Variants in TG observed in about 807,000 individuals in gnomAD.
The protein encoded by TG is thyroglobulin, also known as thyroid hormones.
A neutral mutation model predicts 324.7 loss-of-function variants in TG; 270 were observed. The ratio of observed to expected loss-of-function variants is 0.83; its 90% confidence interval spans 0.75 to 0.92. The LOEUF (loss-of-function observed/expected upper bound fraction) is 0.92, where lower values mean the gene tolerates loss of function less well. Among genes scored for constraint, TG ranks in the 40% least tolerant of loss-of-function variants. The probability of loss-of-function intolerance (pLI) is 0.00; values close to 1 mark genes in which losing one functional copy is unlikely to be tolerated. For synonymous variants in TG, 1,401 were observed against 1,327.0 expected (o/e 1.06, Z -1.21); for missense variants, 3,591 against 3,456.4 (o/e 1.04, Z -0.98).
intron 16 of TG, among the ~76,000 whole-genome samples, chr8:132,902,540 G>A (rs73708395): frequency 0.024 from 3,622 of 152,144 alleles, 141 homozygotes; most frequent in African/African-American, 0.079. Context: ...GTCCTGTTTT[G>A]CTGCCCTCTG....
At chr8:133,077,399 T>C (rs1234120284) in intron 41 of TG, among the ~76,000 whole-genome samples, 2 of 152,128 alleles carry the variant, frequency 1.3e-5, no homozygotes, top group African/African-American at 4.8e-5. Flanking sequence ...AGTGGGTCAT[T>C]GGGTGACTGA....
At position 132,971,842 on chromosome 8, in the gene TG, C is replaced by T. The variant is rs1163088613; in HGVS notation, c.6024C>T (p.Gly2008=). 3.1e-6 allele frequency: 5 copies of T among 1,613,476 alleles called. No homozygotes were observed. The African/African-American group carries it at 5.3e-5, about 17-fold the overall frequency. ...GCGATGCGGACCCATGCTGCACTGG[C>T]TTTGGATTTCTAAATGTTTCCCAGT... ...RRCDADPCCT[G]FGFLNVSQLK... Residue 2008 remains glycine (G), a synonymous_variant, in exon 33 of 48, where the codon GGC becomes GGT. Transcript: ENST00000220616.
chr8:132,988,064 G>GCGCACACACACA (rs1831803239), intron 35 of TG, among the ~76,000 whole-genome samples: 2 of 134,544 alleles, frequency 1.5e-5, no homozygotes, highest in Non-Finnish European at 3.2e-5. Context: ...ACATACACAT[G>GCGCACACACACA]CACACACACA....
chr8:132,980,729 G>T (rs924409446), intron 34 of TG, among the ~76,000 whole-genome samples: 1 of 152,190 alleles, frequency 6.6e-6, no homozygotes, highest in African/African-American at 2.4e-5. Flanking sequence ...GGTAGTTAGT[G>T]TCTGGATTGA....
chr8:132,917,325 G>T (rs1199111325), intron 20 of TG, among the ~76,000 whole-genome samples: 1 of 151,974 alleles, frequency 6.6e-6, no homozygotes, highest in Non-Finnish European at 1.5e-5. Flanking sequence ...AGTCTTGAAA[G>T]GTGAGGAGGA....
intron 41 of TG, among the ~76,000 whole-genome samples, chr8:133,052,610 T>C (rs966592090): frequency 2.6e-5 from 4 of 152,240 alleles, no homozygotes; most frequent in African/African-American, 9.6e-5. Flanking sequence ...CCCCAGTAAG[T>C]AGAGGCAGCA....
At chr8:133,094,964 G>A in intron 41 of TG, 80 bp from the exon 42 acceptor site, 1 of 1,590,108 alleles carries the variant, frequency 6.3e-7, no homozygotes, top group Admixed American at 1.7e-5. Flanking sequence ...GCAGAACCCT[G>A]ATGTGGCACT....
chr8:133,050,389 G>A (rs1461894836), intron 41 of TG: 1 of 281,776 alleles, frequency 3.5e-6, no homozygotes, highest in Non-Finnish European at 6.8e-6. Flanking sequence ...CTTCTGTCAT[G>A]TTCTATAGCC....
intron 22 of TG, among the ~76,000 whole-genome samples, chr8:132,928,870 G>T (rs1822271769): frequency 6.6e-6 from 1 of 152,140 alleles, no homozygotes; most frequent in African/African-American, 2.4e-5. Context: ...GTAGAAGCAG[G>T]GAGAGCTGGT....
In TG at chr8:132,929,128, T is replaced by A; in HGVS notation, c.4752T>A (p.Asn1584Lys). 1 of 1,614,158 alleles carries A rather than the reference T, an allele frequency of 6.2e-7. No homozygotes were observed. Among genetic ancestry groups the A allele is most frequent in the Non-Finnish European group, 8.5e-7 (1 of 1,180,016 alleles). ...VPESKVIFDA[N>K]APVAVRSKVP... ...AATCAAAGGTGATCTTCGACGCCAA[T>A]GCTCCTGTGGCTGTCAGATCCAAAG... The change falls in exon 23 of 48, where the codon AAT (asparagine) becomes AAA (lysine). Residue 1584 changes from asparagine to lysine, a missense_variant. Asn to Lys is a moderately conservative substitution (Grantham distance 94). Coordinates refer to ENST00000220616, the MANE Select transcript of TG (RefSeq NM_003235.5).
At position 133,113,502 on chromosome 8, in the gene TG, C is replaced by T. The variant is rs773146789; in HGVS notation, c.7653C>T (p.Asp2551=). 41 of 1,614,048 alleles carry T rather than the reference C, an allele frequency of 2.5e-5. No homozygotes were observed. The highest frequency in any genetic ancestry group is 3.3e-5 in the Non-Finnish European group (39 of 1,180,022). Residue 2551 remains aspartate, a synonymous_variant, in exon 44 of 48, where the codon GAC becomes GAT. Coordinates refer to ENST00000220616, the MANE Select transcript of TG (RefSeq NM_003235.5). ...QALQNSLGGE[D]SDARVEAAAT... ...TGCAGAATTCTCTGGGTGGCGAGGA[C>T]TCAGATGCCCGCGTCGAGGCTGCTG...
At chr8:132,923,267 G>A in intron 21 of TG, 71 bp from the exon 22 acceptor site, 1 of 1,559,058 alleles carries the variant, frequency 6.4e-7, no homozygotes. Context: ...CAATGACCGA[G>A]AGCCTGGGAG....
intron 5 of TG, among the ~76,000 whole-genome samples, chr8:132,876,133 G>T (rs754842923): frequency 1.3e-5 from 2 of 152,124 alleles, no homozygotes; most frequent in Non-Finnish European, 2.9e-5. Flanking sequence ...ATGGGTGAGG[G>T]GAGAGCAGAG....
In TG at chr8:133,103,874, C is replaced by G. The variant is rs75843005; in HGVS notation, c.7572+7501C>G. On this transcript the variant is annotated intron_variant, in intron 43 of 47. Coordinates refer to ENST00000220616, the MANE Select transcript of TG (RefSeq NM_003235.5). ...ACCTAAACAGATAAAGCTTCTGACTCGGAGAGTTCATGTTCTCATGAAAGG... is the reference window on the plus strand; with the variant it reads ...ACCTAAACAGATAAAGCTTCTGACTGGGAGAGTTCATGTTCTCATGAAAGG... Among the ~76,000 whole-genome samples, 73 of 152,282 alleles carry G rather than the reference C, an allele frequency of 4.8e-4. No homozygotes were observed. The East Asian group carries it at 0.014, about 29-fold the overall frequency.
At position 132,919,395 on chromosome 8, in the gene TG, C is replaced by T. The variant is rs774142193; in HGVS notation, c.4398C>T (p.Ser1466=). 1.4e-5 allele frequency: 23 copies of T among 1,614,090 alleles called. No individual in the cohort carries two copies. Among genetic ancestry groups the T allele is most frequent in the Non-Finnish European group, 1.9e-5 (23 of 1,179,988 alleles). Residue 1466 remains serine (S), a synonymous_variant, in exon 21 of 48, where the codon AGC becomes AGT. Coordinates refer to ENST00000220616, the MANE Select transcript of TG (RefSeq NM_003235.5). The part of the protein sequence containing the change: ...GLGCVKCPEG[S]YSQDEECIPC... Reference sequence around the variant, plus strand: ...TTCTAGTTAAGTGTCCTGAAGGAAGCTATTCCCAAGATGAGGAATGCATTC... The same window carrying T: ...TTCTAGTTAAGTGTCCTGAAGGAAGTTATTCCCAAGATGAGGAATGCATTC...
intron 21 of TG, among the ~76,000 whole-genome samples, chr8:132,922,296 T>A (rs1821217352): frequency 6.6e-6 from 1 of 152,170 alleles, no homozygotes; most frequent in African/African-American, 2.4e-5. Flanking sequence ...TGAACATGGA[T>A]ATAGAGGTAT....
At chr8:133,007,271 G>A (rs1834094613) in intron 35 of TG, among the ~76,000 whole-genome samples, 1 of 151,982 alleles carries the variant, frequency 6.6e-6, no homozygotes, top group South Asian at 2.1e-4. Context: ...AGGCGGGGAC[G>A]GAAGAAAACA....
At chr8:132,965,342 A>G (rs1488611425) in intron 29 of TG, among the ~76,000 whole-genome samples, 1 of 152,168 alleles carries the variant, frequency 6.6e-6, no homozygotes, top group Non-Finnish European at 1.5e-5. Context: ...TACCTTGTCC[A>G]GTGGTTCTTT....
chr8:133,047,815 T>C, intron 41 of TG: 1 of 1,397,710 alleles, frequency 7.2e-7, no homozygotes, highest in Admixed American at 1.7e-5. Context: ...GAAAGATGAG[T>C]TGGGGGCCAC....
Sources: allele counts gnomAD v4.1 joint callset (sites outside exome capture counted in the v4.1 genomes callset), GRCh38; gene constraint gnomAD v4.1.1; transcripts MANE v1.5; gene names NCBI Gene and HGNC (gene_info 2026-07-23, HGNC 2026-07-21).